Variants in BCKDHB observed in about 807,000 individuals in gnomAD.
BCKDHB encodes branched chain keto acid dehydrogenase E1 subunit beta, also known as 2-oxoisovalerate dehydrogenase subunit beta, mitochondrial.
A neutral mutation model predicts 48.5 loss-of-function variants in BCKDHB; 41 were observed. The ratio of observed to expected loss-of-function variants is 0.85; its 90% CI spans 0.66 to 1.10. The LOEUF is 1.10. Ranked by LOEUF, BCKDHB falls within the 50% of genes least tolerant of loss-of-function variation. The pLI is 0.00. For synonymous variants in BCKDHB, 201 were observed against 174.8 expected (o/e 1.15, Z -1.18); for missense variants, 496 against 494.2 (o/e 1.00, Z -0.03).
intron 6 of BCKDHB, among the ~76,000 whole-genome samples, chr6:80,174,488 C>T (rs529432434): frequency 6.6e-6 from 1 of 152,232 alleles, no homozygotes; most frequent in East Asian, 1.9e-4. Flanking sequence ...AGTTGGCCCT[C>T]CATATATGTG....
the BCKDHB span, among the ~76,000 whole-genome samples, chr6:80,371,830 A>G: frequency 1.3e-5 from 2 of 152,072 alleles, no homozygotes; most frequent in Non-Finnish European, 2.9e-5. Flanking sequence ...ATTCTGTTCC[A>G]TTGGTCTATA....
the BCKDHB span, among the ~76,000 whole-genome samples, chr6:80,403,359 T>C: frequency 6.6e-6 from 1 of 151,912 alleles, no homozygotes; most frequent in East Asian, 1.9e-4. Context: ...TTGTAAAAAA[T>C]TGTTTTCTTA....
chr6:80,369,053 G>A, the BCKDHB span, among the ~76,000 whole-genome samples: 2 of 151,576 alleles, frequency 1.3e-5, no homozygotes, highest in African/African-American at 4.8e-5. Context: ...AAATTCCATC[G>A]GTGGGCATTA....
At chr6:80,297,555 C>G (rs1163309600) in intron 9 of BCKDHB, among the ~76,000 whole-genome samples, 2 of 152,104 alleles carry the variant, frequency 1.3e-5, no homozygotes, top group Admixed American at 1.3e-4. Context: ...CATGCCTTTT[C>G]CAGGGTCTAA....
Position 80,171,941 on chromosome 6 carries a change from A to G in BCKDHB, c.742+551A>G, listed in dbSNP as rs140296958. ...CTGCTAATTTCTTCACTGTAATGGA[A>G]ATTTTAAATAGCAAATGATTTTTTT... On this transcript the variant is annotated intron_variant, in intron 6 of 9. Transcript: ENST00000320393. 1.7e-3 allele frequency among the ~76,000 whole-genome samples: 264 copies of G among 152,218 alleles called. 1 individual carries two copies. The highest frequency in any genetic ancestry group is 6.0e-3 in the African/African-American group (250 of 41,544).
At chr6:80,452,093 C>G in the BCKDHB span, among the ~76,000 whole-genome samples, 1 of 152,128 alleles carries the variant, frequency 6.6e-6, no homozygotes, top group Non-Finnish European at 1.5e-5. Flanking sequence ...CTGGAGTGGT[C>G]ACAATATGGT....
intron 8 of BCKDHB, among the ~76,000 whole-genome samples, chr6:80,224,708 G>T (rs1775607523): frequency 6.6e-6 from 1 of 152,112 alleles, no homozygotes; most frequent in Non-Finnish European, 1.5e-5. Context: ...CCCCCAAAAA[G>T]ATATTTTCTT....
At chr6:80,172,750 C>A (rs1025607087) in intron 6 of BCKDHB, among the ~76,000 whole-genome samples, 36 of 152,010 alleles carry the variant, frequency 2.4e-4, no homozygotes, top group African/African-American at 8.5e-4. Context: ...TGTATCCATT[C>A]CTCTGTGATG....
intron 6 of BCKDHB, among the ~76,000 whole-genome samples, chr6:80,174,179 A>T (rs912393775): frequency 1.2e-4 from 18 of 152,126 alleles, no homozygotes; most frequent in African/African-American, 4.1e-4. Context: ...ATGGATGAAA[A>T]CACAAAATTG....
intron 8 of BCKDHB, among the ~76,000 whole-genome samples, chr6:80,240,270 T>C (rs952378084): frequency 1.3e-5 from 2 of 152,184 alleles, no homozygotes; most frequent in African/African-American, 4.8e-5. Flanking sequence ...TGATTCCTCC[T>C]ATCCATGAGC....
chr6:80,175,406 T>A (rs1773103858), intron 6 of BCKDHB, among the ~76,000 whole-genome samples: 1 of 152,184 alleles, frequency 6.6e-6, no homozygotes, highest in African/African-American at 2.4e-5. Context: ...GAAATGGATA[T>A]TGAGGGACAA....
chr6:80,392,922 G>A, the BCKDHB span, among the ~76,000 whole-genome samples: 2,397 of 142,166 alleles, frequency 0.017, 63 homozygotes, highest in African/African-American at 0.061. Flanking sequence ...TACTTATGCC[G>A]GCTTAAATAA....
intron 1 of BCKDHB, 132 bp downstream of exon 1, chr6:80,107,021 C>A (rs1229237223): frequency 1.7e-6 from 2 of 1,181,370 alleles, no homozygotes; most frequent in Admixed American, 2.0e-5. Flanking sequence ...CTCTCTGGAA[C>A]CTCCTTGCCT....
chr6:80,426,175 C>T, the BCKDHB span, among the ~76,000 whole-genome samples: 10 of 152,072 alleles, frequency 6.6e-5, no homozygotes, highest in Non-Finnish European at 1.3e-4. Flanking sequence ...TCCCTATGAC[C>T]GAGGATGTTT....
At chr6:80,125,479 T>A (rs1237210848) in intron 1 of BCKDHB, among the ~76,000 whole-genome samples, 1 of 152,220 alleles carries the variant, frequency 6.6e-6, no homozygotes, top group Non-Finnish European at 1.5e-5. Context: ...AACTAGGCTA[T>A]TTGGTGCAAG....
chr6:80,308,332 T>C (rs1767977976), intron 9 of BCKDHB, among the ~76,000 whole-genome samples: 1 of 152,160 alleles, frequency 6.6e-6, no homozygotes, highest in South Asian at 2.1e-4. Context: ...ATGATAGTAA[T>C]TTAAATATTC....
At chr6:80,208,231 A>T (rs2127835784) in intron 8 of BCKDHB, among the ~76,000 whole-genome samples, 1 of 151,940 alleles carries the variant, frequency 6.6e-6, no homozygotes, top group South Asian at 2.1e-4. Context: ...ACTCTAAATA[A>T]CCGTGGATTA....
chr6:80,183,898 A>G (rs964947161), intron 6 of BCKDHB, among the ~76,000 whole-genome samples: 1 of 152,110 alleles, frequency 6.6e-6, no homozygotes, highest in Non-Finnish European at 1.5e-5. Context: ...AGATTCCTCC[A>G]TGTCTTTTCA....
chr6:80,258,078 C>T (rs529510607), intron 8 of BCKDHB, among the ~76,000 whole-genome samples: 12 of 152,130 alleles, frequency 7.9e-5, no homozygotes, highest in East Asian at 3.9e-4. Context: ...CCTTTAAATA[C>T]GCTGTACTAT....
Sources: gnomAD v4.1 joint callset for allele counts (sites outside exome capture counted in the v4.1 genomes callset) on GRCh38, gnomAD v4.1.1 for gene constraint, MANE v1.5 for transcripts, NCBI Gene and HGNC (gene_info 2026-07-23, HGNC 2026-07-21) for gene names.